SCARB2: variants seen among roughly 807,000 people sequenced by gnomAD.
SCARB2 encodes the protein scavenger receptor class B member 2.
Under a neutral mutation model 58.6 loss-of-function variants are expected in SCARB2, and 29 were observed. The observed-to-expected ratio is 0.49, with a 90% confidence interval of 0.37 to 0.67. The LOEUF is 0.67. Among genes scored for constraint, SCARB2 ranks in the 30% least tolerant of loss-of-function variants. The pLI, the probability that SCARB2 is intolerant of heterozygous loss-of-function variation, is 0.00. For missense variants in SCARB2, 488 were observed against 578.5 expected (o/e 0.84, Z 1.60); for synonymous variants, 195 against 210.1 (o/e 0.93, Z 0.62).
chr4:76,202,885 A>AAT (rs1173151681), intron 1 of SCARB2, among the ~76,000 whole-genome samples: 1 of 152,226 alleles, frequency 6.6e-6, no homozygotes, highest in Non-Finnish European at 1.5e-5. Context: ...TATTTAAAAA[A>AAT]ATATACTAAA....
At chr4:76,175,473 T>A (rs1162329881) in intron 6 of SCARB2, 3 of 371,246 alleles carry the variant, frequency 8.1e-6, no homozygotes, top group Non-Finnish European at 1.5e-5. Context: ...AACTCATTTG[T>A]CCTCATAACA....
intron 2 of SCARB2, among the ~76,000 whole-genome samples, chr4:76,182,611 A>G (rs538526157): frequency 4.3e-4 from 66 of 152,212 alleles, no homozygotes; most frequent in African/African-American, 1.5e-3. Context: ...GCCTTTCCCA[A>G]CCATAGCAGC....
At chr4:76,189,960 C>A (rs1358046816) in intron 2 of SCARB2, among the ~76,000 whole-genome samples, 1 of 151,792 alleles carries the variant, frequency 6.6e-6, no homozygotes, top group East Asian at 1.9e-4. Flanking sequence ...CACAACCAAA[C>A]CACATCAACA....
chr4:76,176,701 A>C lies in SCARB2; in HGVS notation c.613-173T>G, dbSNP rs546182799. On this transcript the variant is annotated intron_variant, in intron 4 of 11. Coordinates refer to ENST00000264896, the MANE Select transcript of SCARB2 (RefSeq NM_005506.4). ...GTTAACTTTAAGGGAGGTTACCCTCAATAATGAGTGGCTGGGCCCCCTCCA... is the reference window on the plus strand; with the variant it reads ...GTTAACTTTAAGGGAGGTTACCCTCCATAATGAGTGGCTGGGCCCCCTCCA... 9 of 582,688 alleles carry C rather than the reference A, an allele frequency of 1.5e-5. No individual in the cohort carries two copies. In the Admixed American group the frequency reaches 2.6e-4, roughly 17 times the overall value. The allele number at this position is 582,688 out of a possible 1,614,324, so 36.1% of individuals were successfully genotyped here.
At chr4:76,206,625 T>C (rs1194559380) in intron 1 of SCARB2, among the ~76,000 whole-genome samples, 4 of 151,734 alleles carry the variant, frequency 2.6e-5, no homozygotes, top group Non-Finnish European at 5.9e-5. Context: ...GAATAAGACA[T>C]TGCATTTGGC....
Position 76,213,772 on chromosome 4 carries a change from C to T in SCARB2, c.-229G>A, listed in dbSNP as rs1733132586. The T allele has an allele frequency of 2.4e-6, 1 of 423,948 alleles. No homozygotes were observed. Among genetic ancestry groups the T allele is most frequent in the South Asian group, 3.5e-5 (1 of 28,876 alleles). The allele number at this position is 423,948 out of a possible 1,614,324, so 26.3% of individuals were successfully genotyped here. A position where few individuals can be genotyped will look rare whatever the true frequency, so the allele number is the denominator to read the frequency against. On this transcript the variant is annotated 5_prime_UTR_variant, in exon 1 of 12. Transcript: ENST00000264896. ...GGAGGGACGGGCCCGGACTCGGTTTCGGTTTCCTTCGCCGGGCAGCCGTGG... is the reference window on the plus strand; with the variant it reads ...GGAGGGACGGGCCCGGACTCGGTTTTGGTTTCCTTCGCCGGGCAGCCGTGG...
intron 4 of SCARB2, among the ~76,000 whole-genome samples, chr4:76,178,707 T>A (rs1327678846): frequency 6.6e-6 from 1 of 152,168 alleles, no homozygotes; most frequent in Admixed American, 6.5e-5. Context: ...GCATTCAGAG[T>A]TGGTGAGGCC....
intron 5 of SCARB2, 30 bp from the exon 6 acceptor site, chr4:76,175,940 A>C: frequency 6.2e-7 from 1 of 1,612,214 alleles, no homozygotes; most frequent in East Asian, 2.2e-5. Context: ...GAAAGAGTAA[A>C]GATGATCACA....
upstream of SCARB2, among the ~76,000 whole-genome samples, chr4:76,216,998 A>G (rs1384626919): frequency 6.6e-6 from 1 of 152,200 alleles, no homozygotes; most frequent in Non-Finnish European, 1.5e-5. Context: ...CTCTACCCAC[A>G]GCTATGTTCA....
intron 1 of SCARB2, among the ~76,000 whole-genome samples, chr4:76,199,719 C>T (rs1000064284): frequency 6.6e-6 from 1 of 152,162 alleles, no homozygotes; most frequent in Non-Finnish European, 1.5e-5. Context: ...GAGTGTTACC[C>T]GTGCCATCTG....
At chr4:76,200,760 A>G (rs1301462756) in intron 1 of SCARB2, among the ~76,000 whole-genome samples, 1 of 152,174 alleles carries the variant, frequency 6.6e-6, no homozygotes, top group Non-Finnish European at 1.5e-5. Flanking sequence ...CCAAGACAAC[A>G]TGACCAAAAT....
At chr4:76,233,009 T>C (rs1490650616) in intron 1 of SCARB2, among the ~76,000 whole-genome samples, 1 of 152,314 alleles carries the variant, frequency 6.6e-6, no homozygotes, top group Non-Finnish European at 1.5e-5. Flanking sequence ...ACCTTCAGCT[T>C]TTCCTATCTA....
Position 76,190,739 on chromosome 4 carries a change from G to A in SCARB2, c.275+4968C>T, listed in dbSNP as rs150317939. Among the ~76,000 whole-genome samples the A allele has an allele frequency of 4.4e-4, 67 of 152,178 alleles. No individual in the cohort carries two copies. In the East Asian group the frequency reaches 0.011, roughly 26 times the overall value. ...ACAAAGGTTGCAGTGAGCCAAGATC[G>A]CGCCACTGCACTCCAGCCTGGGAGA... On this transcript the variant is annotated intron_variant, in intron 2 of 11. Transcript: ENST00000264896.
At chr4:76,230,985 C>T (rs1733483724) in intron 1 of SCARB2, among the ~76,000 whole-genome samples, 1 of 152,132 alleles carries the variant, frequency 6.6e-6, no homozygotes. Context: ...CCCTTAGATC[C>T]AGTTTTCTTT....
At chr4:76,183,484 G>A (rs1417627957) in intron 2 of SCARB2, among the ~76,000 whole-genome samples, 1 of 152,146 alleles carries the variant, frequency 6.6e-6, no homozygotes, top group African/African-American at 2.4e-5. Flanking sequence ...TATTATAAAG[G>A]ATATTACAAA....
upstream of SCARB2, among the ~76,000 whole-genome samples, chr4:76,218,249 T>C (rs1401236068): frequency 6.6e-6 from 1 of 152,214 alleles, no homozygotes; most frequent in East Asian, 1.9e-4. Context: ...CCCTAGTGAT[T>C]TGACATATGT....
chr4:76,215,690 G>A (rs573006497), upstream of SCARB2, among the ~76,000 whole-genome samples: 33 of 152,152 alleles, frequency 2.2e-4, no homozygotes, highest in South Asian at 6.7e-3. Flanking sequence ...CTTGCTCTTG[G>A]AGCCTCAAGT....
intron 4 of SCARB2, among the ~76,000 whole-genome samples, chr4:76,178,174 G>A (rs927213971): frequency 1.3e-5 from 2 of 152,156 alleles, no homozygotes; most frequent in African/African-American, 4.8e-5. Context: ...TTCTCTCCAA[G>A]TTATACTTCT....
chr4:76,176,898 C>T (rs1007215025), intron 4 of SCARB2: 1 of 184,164 alleles, frequency 5.4e-6, no homozygotes, highest in Non-Finnish European at 1.1e-5. Context: ...CTGGCCTGCT[C>T]TATGGATTTC....
Sources: gnomAD v4.1 joint callset for allele counts (sites outside exome capture counted in the v4.1 genomes callset) on GRCh38, gnomAD v4.1.1 for gene constraint, MANE v1.5 for transcripts, NCBI Gene and HGNC (gene_info 2026-07-23, HGNC 2026-07-21) for gene names.